Variants in AGBL1 observed in about 807,000 individuals in gnomAD.
AGBL1 encodes cytosolic carboxypeptidase 4.
A neutral mutation model predicts 118.9 loss-of-function variants in AGBL1; 130 were observed. The ratio of observed to expected loss-of-function variants is 1.09; its 90% CI spans 0.95 to 1.26. The LOEUF (loss-of-function observed/expected upper bound fraction) is 1.26, where lower values mean the gene tolerates loss of function less well. Among genes scored for constraint, AGBL1 ranks in the 50% most tolerant of loss-of-function variants. The pLI is 0.00. For synonymous variants in AGBL1, 555 were observed against 478.9 expected, an observed-to-expected ratio of 1.16 and a Z score of -2.08; for missense variants, 1,584 against 1,298.1, an observed-to-expected ratio of 1.22 and a Z score of -3.38.
intron 18 of AGBL1, among the ~76,000 whole-genome samples, chr15:86,468,405 G>A (rs1227711354): frequency 6.6e-6 from 1 of 152,162 alleles, no homozygotes; most frequent in Non-Finnish European, 1.5e-5. Flanking sequence ...AGCTTGGGGT[G>A]TAGTTTCCCA....
At chr15:86,305,569 T>C (rs1453047702) in intron 17 of AGBL1, among the ~76,000 whole-genome samples, 3 of 152,172 alleles carry the variant, frequency 2.0e-5, no homozygotes, top group Non-Finnish European at 4.4e-5. Context: ...ATTAAAAAAC[T>C]AAAAAGTGTC....
At chr15:86,792,191 C>T (rs1422345780) in intron 22 of AGBL1, among the ~76,000 whole-genome samples, 1 of 152,162 alleles carries the variant, frequency 6.6e-6, no homozygotes, top group Non-Finnish European at 1.5e-5. Context: ...ACAGCTGTCC[C>T]TTAAGCATTA....
chr15:87,019,704 C>CT (rs1216226365), intron 24 of AGBL1, among the ~76,000 whole-genome samples: 1 of 151,786 alleles, frequency 6.6e-6, no homozygotes, highest in East Asian at 1.9e-4. Flanking sequence ...AACATCACAA[C>CT]TAAAAGAACA....
Position 86,613,240 on chromosome 15 carries a change from C to A in AGBL1, c.2994+58703C>A, listed in dbSNP as rs185977373. Among the ~76,000 whole-genome samples, 12 of 152,208 alleles carry A rather than the reference C, an allele frequency of 7.9e-5. No individual in the cohort carries two copies. In the East Asian group the frequency reaches 2.3e-3, roughly 29 times the overall value. On this transcript the variant is annotated intron_variant, in intron 21 of 22. Coordinates refer to ENST00000614907, the MANE Select transcript of AGBL1 (RefSeq NM_001386094.1). The surrounding 1 kb of genome is among the most constrained non-coding windows in gnomAD (Gnocchi z 4.2). ...AAACAAATTAAAGCAGGAATCGGAG[C>A]GAGAGGTTTGTTGGTTTTGGAACGT... is the stretch of plus-strand genomic sequence containing the variant.
At chr15:86,368,159 A>G (rs1180793730) in intron 17 of AGBL1, among the ~76,000 whole-genome samples, 1 of 152,162 alleles carries the variant, frequency 6.6e-6, no homozygotes, top group African/African-American at 2.4e-5. Context: ...AATAGCACCA[A>G]GATGCCATAG....
chr15:86,534,361 G>A (rs982795809), intron 19 of AGBL1, among the ~76,000 whole-genome samples: 2 of 152,114 alleles, frequency 1.3e-5, no homozygotes, highest in Non-Finnish European at 2.9e-5. Flanking sequence ...AGTTTCCCTT[G>A]GATTTTATTC....
chr15:86,959,311 A>C (rs917656480), intron 23 of AGBL1, among the ~76,000 whole-genome samples: 5 of 152,158 alleles, frequency 3.3e-5, no homozygotes, highest in Admixed American at 3.3e-4. Context: ...CTACTTATAC[A>C]AACACAATAA....
intron 18 of AGBL1, among the ~76,000 whole-genome samples, chr15:86,412,377 C>G (rs1596082759): frequency 1.3e-5 from 2 of 152,342 alleles, no homozygotes; most frequent in African/African-American, 4.8e-5. Flanking sequence ...CTTCATTAAT[C>G]ATGACTATTA....
chr15:87,003,417 G>A (rs62031587), intron 24 of AGBL1, among the ~76,000 whole-genome samples: 78,038 of 149,046 alleles, frequency 0.52, 22,332 homozygotes, highest in South Asian at 0.71. Context: ...AATGTTCATC[G>A]GGATATTGGT....
chr15:86,774,556 G>A (rs560227960), intron 22 of AGBL1, among the ~76,000 whole-genome samples: 2 of 151,744 alleles, frequency 1.3e-5, no homozygotes, highest in African/African-American at 2.4e-5. Flanking sequence ...AGTAATTTCA[G>A]TGCAATGAGA....
chr15:86,480,788 A>C (rs1436028440), intron 18 of AGBL1, among the ~76,000 whole-genome samples: 1 of 151,942 alleles, frequency 6.6e-6, no homozygotes, highest in African/African-American at 2.4e-5. Context: ...ATTTTAAGAG[A>C]TGGAGATTAT....
At chr15:86,872,406 G>A (rs953711833) in intron 22 of AGBL1, among the ~76,000 whole-genome samples, 1 of 152,124 alleles carries the variant, frequency 6.6e-6, no homozygotes, top group Non-Finnish European at 1.5e-5. Flanking sequence ...ATTGAATTCT[G>A]CCGCTAATGG....
chr15:86,411,932 G>T (rs1307017651), intron 18 of AGBL1, among the ~76,000 whole-genome samples: 1 of 152,150 alleles, frequency 6.6e-6, no homozygotes, highest in Non-Finnish European at 1.5e-5. Context: ...CTGCTTAGGA[G>T]ATTGTGTCTA....
chr15:86,826,623 T>C (rs2079015394), intron 22 of AGBL1, among the ~76,000 whole-genome samples: 1 of 152,032 alleles, frequency 6.6e-6, no homozygotes, highest in Admixed American at 6.6e-5. Flanking sequence ...GGTTTTAAAA[T>C]TTGCATTTCT....
chr15:86,164,963 C>T (rs1010996962), intron 5 of AGBL1, among the ~76,000 whole-genome samples: 2 of 152,186 alleles, frequency 1.3e-5, no homozygotes, highest in African/African-American at 4.8e-5. Flanking sequence ...CAGAGGATAA[C>T]ATCTTTAGTA....
At position 86,321,121 on chromosome 15, in the gene AGBL1, C is replaced by T. The variant is rs137933816; in HGVS notation, c.2374+25713C>T. Among the ~76,000 whole-genome samples, 632 of 152,196 alleles carry T rather than the reference C, an allele frequency of 4.2e-3. 6 individuals are homozygous for T. Among genetic ancestry groups the T allele is most frequent in the African/African-American group, 0.014 (589 of 41,538 alleles). ...GTGCTTATCCCTTAAAATTAAGTGA[C>T]ATAATACTCTTTTATTTTTAAATTC... is the stretch of plus-strand genomic sequence containing the variant. On this transcript the variant is annotated intron_variant, in intron 17 of 22. Coordinates refer to ENST00000614907, the MANE Select transcript of AGBL1 (RefSeq NM_001386094.1).
intron 18 of AGBL1, among the ~76,000 whole-genome samples, chr15:86,426,982 T>G (rs1352550471): frequency 6.6e-6 from 1 of 152,094 alleles, no homozygotes; most frequent in Admixed American, 6.5e-5. Context: ...ACCAGGCTGG[T>G]CTTGAACTCC....
intron 1 of AGBL1, among the ~76,000 whole-genome samples, chr15:86,081,189 T>C (rs1895256709): frequency 6.6e-6 from 1 of 151,856 alleles, no homozygotes; most frequent in South Asian, 2.1e-4. Flanking sequence ...GATTATAGGC[T>C]CCTGCCACCA....
rs553909584 is a variant in AGBL1 at position 86,846,888 on chromosome 15, T to G, written c.3159-60199T>G. 4.6e-5 allele frequency among the ~76,000 whole-genome samples: 7 copies of G among 152,326 alleles called. No homozygotes were observed. In the East Asian group the frequency reaches 1.4e-3, roughly 29 times the overall value. ...CATATTCTTTTTCTGGCCTTTCTTC[T>G]TCCTCCTTTATCTGAGTCTTCTAAA... On this transcript the variant is annotated intron_variant, in intron 22 of 22. Transcript: ENST00000614907.
Sources: allele counts gnomAD v4.1 joint callset (sites outside exome capture counted in the v4.1 genomes callset), GRCh38; gene constraint gnomAD v4.1.1; non-coding constraint Gnocchi (gnomAD v3.1); transcripts MANE v1.5; gene names NCBI Gene and HGNC (gene_info 2026-07-23, HGNC 2026-07-21).